PANK3: variants seen among roughly 807,000 people sequenced by gnomAD.
PANK3 encodes the protein pantothenate kinase 3.
In PANK3, 20 loss-of-function variants were observed where a neutral mutation model predicts 39.4. That is an observed-to-expected ratio of 0.51 (90% CI 0.36 to 0.74). The LOEUF is 0.74. PANK3 is among the 30% of genes least tolerant of loss of function. PANK3 has a pLI of 0.00. For synonymous variants in PANK3, 140 were observed against 157.3 expected, an observed-to-expected ratio of 0.89 and a Z score of 0.82; for missense variants, 265 against 437.0, an observed-to-expected ratio of 0.61 and a Z score of 3.51.
intron 1 of PANK3, among the ~76,000 whole-genome samples, chr5:168,571,376 C>G (rs962036035): frequency 3.9e-5 from 6 of 152,178 alleles, no homozygotes; most frequent in African/African-American, 1.4e-4. Flanking sequence ...ATTTAATCCT[C>G]AGTACCCCCA....
At chr5:168,576,516 A>ATGC (rs1561844081) in intron 1 of PANK3, among the ~76,000 whole-genome samples, 2 of 152,366 alleles carry the variant, frequency 1.3e-5, no homozygotes, top group Non-Finnish European at 2.9e-5. Context: ...ATAATTTCAA[A>ATGC]TGCTAATCTT....
At chr5:168,560,829 CAGT>C (rs1273466424) in intron 5 of PANK3, 2 of 326,888 alleles carry the variant, frequency 6.1e-6, no homozygotes, top group African/African-American at 4.3e-5. Context: ...GTCAATCTAA[CAGT>C]ATATCCTTTT....
Position 168,559,176 on chromosome 5 carries a change from G to T in PANK3, c.937-19C>A. The T allele has an allele frequency of 7.1e-7, 1 of 1,414,730 alleles. No homozygotes were observed. The allele number at this position is 1,414,730 out of a possible 1,614,324, so 87.6% of individuals were successfully genotyped here. A position where few individuals can be genotyped will look rare whatever the true frequency, so the allele number is the denominator to read the frequency against. ...TTATTTTCTAAAAGAAAAGAACAAA[G>T]AAAAAACTTGTAAAAATAATAGATT... On this transcript the variant is annotated intron_variant, in intron 5 of 6. Coordinates refer to ENST00000239231, the MANE Select transcript of PANK3 (RefSeq NM_024594.4).
intron 1 of PANK3, among the ~76,000 whole-genome samples, chr5:168,571,967 A>C (rs1044837000): frequency 1.3e-5 from 2 of 152,186 alleles, no homozygotes; most frequent in Admixed American, 6.5e-5. Context: ...ATTAGACCAT[A>C]ATTTGGGAAG....
At position 168,561,374 on chromosome 5, in the gene PANK3, GTGTTTTT is replaced by G. The variant is rs1269939410; in HGVS notation, c.936+12_936+18del. ...TCACATTTTTGATAATTCAAGTTTT[GTGTTTTT>G]TGTTTTTTTACCTCATTAACAGCAC... On this transcript the variant is annotated intron_variant, in intron 5 of 6. Coordinates refer to ENST00000239231, the MANE Select transcript of PANK3 (RefSeq NM_024594.4). The G allele has an allele frequency of 1.3e-6, 2 of 1,560,388 alleles. No individual in the cohort carries two copies. The highest frequency in any genetic ancestry group is 1.7e-6 in the Non-Finnish European group (2 of 1,158,140).
chr5:168,555,089 A>T lies in PANK3; in HGVS notation c.*2482T>A, dbSNP rs1463537830. The T allele has an allele frequency of 6.6e-6, 1 of 152,224 alleles. No homozygotes were observed. Among genetic ancestry groups the T allele is most frequent in the African/African-American group, 2.4e-5 (1 of 41,454 alleles). The allele number at this position is 152,224 out of a possible 1,614,324, so 9.4% of individuals were successfully genotyped here. Reference sequence around the variant, plus strand: ...ATAATTTTTTATTAAGATCTCGAGTAACTCCCTGTAAGCTCACTGTGGTAA... The same window carrying T: ...ATAATTTTTTATTAAGATCTCGAGTTACTCCCTGTAAGCTCACTGTGGTAA... On this transcript the variant is annotated 3_prime_UTR_variant, in exon 7 of 7. Transcript: ENST00000239231.
chr5:168,561,620 A>G lies in PANK3; in HGVS notation c.813-104T>C, dbSNP rs916197896. The G allele has an allele frequency of 4.0e-6, 4 of 1,008,632 alleles. No individual in the cohort carries two copies. In the South Asian group the frequency reaches 8.2e-5, roughly 21 times the overall value. The allele number at this position is 1,008,632 out of a possible 1,614,324, so 62.5% of individuals were successfully genotyped here. ...TGGATATTTTTATAAAATTAGGACC[A>G]AAAAGTAGAAACACATAGGGATAAG... is the stretch of plus-strand genomic sequence containing the variant. On this transcript the variant is annotated intron_variant, in intron 4 of 6. Transcript: ENST00000239231.
At chr5:168,579,147 A>C in intron 1 of PANK3, 109 bp downstream of exon 1, 2 of 1,026,282 alleles carry the variant, frequency 1.9e-6, no homozygotes, top group South Asian at 1.9e-5. Flanking sequence ...TACCGGACGA[A>C]GCGCCGGCGA....
chr5:168,559,158 C>A lies in PANK3; in HGVS notation c.937-1G>T. 2 of 1,504,238 alleles carry A rather than the reference C, an allele frequency of 1.3e-6. No homozygotes were observed. The highest frequency in any genetic ancestry group is 9.0e-7 in the Non-Finnish European group (1 of 1,110,082). The allele number at this position is 1,504,238 out of a possible 1,614,324, so 93.2% of individuals were successfully genotyped here. A position where few individuals can be genotyped will look rare whatever the true frequency, so the allele number is the denominator to read the frequency against. On this transcript the variant is annotated splice_acceptor_variant, in intron 5 of 6. Coordinates refer to ENST00000239231, the MANE Select transcript of PANK3 (RefSeq NM_024594.4). LOFTEE classifies it high-confidence loss of function. Reference sequence around the variant, plus strand: ...CAACAAAGACAACTCTGTTTATTTTCTAAAAGAAAAGAACAAAGAAAAAAC... The same window carrying A: ...CAACAAAGACAACTCTGTTTATTTTATAAAAGAAAAGAACAAAGAAAAAAC...
In PANK3 at chr5:168,551,367, C is replaced by A. The variant is rs1408566327; in HGVS notation, c.*6204G>T. ...TTTCTAATGTTTTGTTCACACCCAC[C>A]ACAAAACAGTTAAGTTAAATTCAAA... On this transcript the variant is annotated 3_prime_UTR_variant, in exon 7 of 7. Transcript: ENST00000239231. 6.6e-6 allele frequency: 1 copy of A among 152,108 alleles called. No individual in the cohort carries two copies. The highest frequency in any genetic ancestry group is 1.5e-5 in the Non-Finnish European group (1 of 68,000). The allele number at this position is 152,108 out of a possible 1,614,324, so 9.4% of individuals were successfully genotyped here. A position where few individuals can be genotyped will look rare whatever the true frequency, so the allele number is the denominator to read the frequency against.
rs1473225510 is a variant in PANK3, at chr5:168,550,506, A to G, written c.*7065T>C. On this transcript the variant is annotated 3_prime_UTR_variant, in exon 7 of 7. Transcript: ENST00000239231. ...ATTCCAGATAACCTTTACAGATTTA[A>G]AAGTACAAACATTTTAATATACATA... is the stretch of plus-strand genomic sequence containing the variant. 6.6e-6 allele frequency: 1 copy of G among 152,222 alleles called. No individual in the cohort carries two copies. The highest frequency in any genetic ancestry group is 2.4e-5 in the African/African-American group (1 of 41,458). 9.4% of individuals were successfully genotyped at this position (152,222 alleles called of 1,614,324 possible).
chr5:168,559,697 TAAAA>T (rs201214118), intron 5 of PANK3, among the ~76,000 whole-genome samples: 1 of 148,520 alleles, frequency 6.7e-6, no homozygotes, highest in Non-Finnish European at 1.5e-5. Flanking sequence ...CTGATGTGAT[TAAAA>T]AAAAAAATCA....
At chr5:168,562,781 T>C (rs1302710381) in intron 4 of PANK3, among the ~76,000 whole-genome samples, 2 of 152,190 alleles carry the variant, frequency 1.3e-5, no homozygotes, top group African/African-American at 4.8e-5. Flanking sequence ...TATGTAAACT[T>C]ACTGAGATTC....
chr5:168,569,790 C>A (rs539255331), intron 1 of PANK3, among the ~76,000 whole-genome samples: 1 of 152,262 alleles, frequency 6.6e-6, no homozygotes, highest in African/African-American at 2.4e-5. Flanking sequence ...GGTGCTCACA[C>A]CTGAAATCCC....
intron 2 of PANK3, 21 bp from the exon 3 acceptor site, chr5:168,566,287 A>T: frequency 6.4e-7 from 1 of 1,560,464 alleles, no homozygotes; most frequent in Non-Finnish European, 8.7e-7. Context: ...AAACAAACAA[A>T]AACAAAAAAG....
Position 168,566,246 on chromosome 5 carries a change from G to C in PANK3, c.402C>G (p.His134Gln), listed in dbSNP as rs1759530488. ...CAAGGCAGTCAAGTTCATCCAGTTT[G>C]TGCAGGTGGAGGTTTCCAATCTGTT... ...DFRTIGNLHL[H>Q]KLDELDCLVK... The change falls in exon 3 of 7, where the codon CAC (histidine) becomes CAG (glutamine). Residue 134 changes from histidine (H) to glutamine (Q), a missense_variant. Around this residue, in one of 3 missense-constraint regions of PANK3, gnomAD observed 154 missense variants for 256.8 expected, o/e 0.60. Transcript: ENST00000239231. 1.2e-6 allele frequency: 2 copies of C among 1,602,350 alleles called. No individual in the cohort carries two copies. Among genetic ancestry groups the C allele is most frequent in the Non-Finnish European group, 1.7e-6 (2 of 1,170,726 alleles).
At chr5:168,574,599 C>T (rs541555907) in intron 1 of PANK3, among the ~76,000 whole-genome samples, 1 of 152,162 alleles carries the variant, frequency 6.6e-6, no homozygotes, top group Admixed American at 6.5e-5. Context: ...CGGTAGCTCA[C>T]ATCTGTAATC....
At chr5:168,568,530 T>G in intron 2 of PANK3, 116 bp downstream of exon 2, 1 of 804,482 alleles carries the variant, frequency 1.2e-6, no homozygotes, top group East Asian at 2.6e-5. Context: ...AAGGCAACCA[T>G]GGATACATAT....
At chr5:168,561,174 A>C (rs1391709997) in intron 5 of PANK3, among the ~76,000 whole-genome samples, 1 of 152,204 alleles carries the variant, frequency 6.6e-6, no homozygotes, top group Non-Finnish European at 1.5e-5. Flanking sequence ...AATTCTGAAT[A>C]AATTTCTCCT....
Sources: gnomAD v4.1 joint callset for allele counts (sites outside exome capture counted in the v4.1 genomes callset) on GRCh38, gnomAD v4.1.1 for gene constraint, gnomAD v4.1.1 regional missense constraint, MANE v1.5 for transcripts, NCBI Gene and HGNC (gene_info 2026-07-23, HGNC 2026-07-21) for gene names.